The following IL1RAPL1 variants were observed in gnomAD, a reference collection of about 807,000 sequenced individuals.
The protein encoded by IL1RAPL1 is interleukin-1 receptor accessory protein-like 1.
A neutral mutation model predicts 48.4 loss-of-function variants in IL1RAPL1; 3 were observed. The observed-to-expected ratio is 0.06, with a 90% confidence interval of 0.03 to 0.16. The LOEUF (loss-of-function observed/expected upper bound fraction) is 0.16. Ranked by LOEUF, IL1RAPL1 falls within the 10% of genes least tolerant of loss-of-function variation. The pLI, the probability that IL1RAPL1 is intolerant of heterozygous loss-of-function variation, is 1.00. For synonymous variants in IL1RAPL1, 185 were observed against 187.7 expected, an observed-to-expected ratio of 0.99 and a Z score of 0.12; for missense variants, 349 against 530.6, an observed-to-expected ratio of 0.66 and a Z score of 3.36.
intron 3 of IL1RAPL1, among the ~76,000 whole-genome samples, chrX:29,309,442 A>C (rs1222265835): frequency 2.7e-5 from 3 of 111,800 alleles, no homozygotes; most frequent in Non-Finnish European, 5.6e-5. Flanking sequence ...AAGACATTCC[A>C]GGGATGTAGA....
chrX:29,519,879 G>A (rs147890493), intron 5 of IL1RAPL1, among the ~76,000 whole-genome samples: 2,375 of 111,674 alleles, frequency 0.021, 61 homozygotes, highest in African/African-American at 0.074. Context: ...GCTCACAGCA[G>A]TAACCTGTTC....
chrX:29,334,475 C>T (rs1932947491), intron 3 of IL1RAPL1, among the ~76,000 whole-genome samples: 5 of 112,069 alleles, frequency 4.5e-5, no homozygotes, highest in African/African-American at 6.5e-5. Context: ...ACCTCCCTCC[C>T]GGACGGGGTG....
intron 2 of IL1RAPL1, among the ~76,000 whole-genome samples, chrX:29,056,415 A>G (rs913199902): frequency 4.5e-5 from 5 of 111,499 alleles, no homozygotes; most frequent in Admixed American, 9.6e-5. Flanking sequence ...AATTACCACA[A>G]CACTTCACAT....
At chrX:28,937,408 A>G (rs1252308717) in intron 2 of IL1RAPL1, among the ~76,000 whole-genome samples, 2 of 111,284 alleles carry the variant, frequency 1.8e-5, no homozygotes, top group Non-Finnish European at 3.8e-5. Context: ...GTAGAAAATA[A>G]GGGAACTGAG....
chrX:28,838,781 A>T (rs575917115), intron 2 of IL1RAPL1, among the ~76,000 whole-genome samples: 3 of 111,067 alleles, frequency 2.7e-5, no homozygotes, highest in African/African-American at 9.8e-5. Flanking sequence ...TTAATAATAT[A>T]TGTATAAGCA....
intron 5 of IL1RAPL1, among the ~76,000 whole-genome samples, chrX:29,628,578 A>G (rs768618066): frequency 1.3e-3 from 141 of 111,933 alleles, no homozygotes; most frequent in African/African-American, 4.3e-3. Context: ...GACAAATGTG[A>G]GAATCCATGT....
intron 2 of IL1RAPL1, among the ~76,000 whole-genome samples, chrX:29,175,845 CAAAAAAAAAAAAA>C (rs58728418): frequency 1.3e-4 from 5 of 37,781 alleles, no homozygotes; most frequent in Non-Finnish European, 2.2e-4. Flanking sequence ...GACTCTGTCT[CAAAAAAAAAAAAA>C]AAAAAAAAAA....
chrX:29,577,560 A>T (rs1410218583), intron 5 of IL1RAPL1, among the ~76,000 whole-genome samples: 1 of 111,976 alleles, frequency 8.9e-6, no homozygotes, highest in African/African-American at 3.2e-5. Flanking sequence ...GTTACCTGGG[A>T]AATGAAGAGA....
intron 5 of IL1RAPL1, among the ~76,000 whole-genome samples, chrX:29,612,025 G>A (rs1924112035): frequency 9.0e-6 from 1 of 110,983 alleles, no homozygotes; most frequent in African/African-American, 3.3e-5. Context: ...GTTTATATGT[G>A]TACAGGATAG....
intron 5 of IL1RAPL1, among the ~76,000 whole-genome samples, chrX:29,657,887 T>C (rs1360307564): frequency 9.4e-6 from 1 of 106,388 alleles, no homozygotes; most frequent in Non-Finnish European, 1.9e-5. Context: ...GTTGGCATGC[T>C]CACCTACTTG....
chrX:29,343,986 G>A (rs1933117060), intron 3 of IL1RAPL1, among the ~76,000 whole-genome samples: 1 of 112,229 alleles, frequency 8.9e-6, no homozygotes, highest in South Asian at 3.7e-4. Flanking sequence ...TGAACAAGAT[G>A]CCAAGTACAG....
Position 29,700,013 on chromosome X carries a change from A to G in IL1RAPL1, c.778+31509A>G, listed in dbSNP as rs368797358. Among the ~76,000 whole-genome samples, 97 of 111,725 alleles carry G rather than the reference A, an allele frequency of 8.7e-4. 1 individual carries two copies. In the South Asian group the frequency reaches 0.036, roughly 42 times the overall value. On this transcript the variant is annotated intron_variant, in intron 6 of 10. Transcript: ENST00000378993. The stretch of plus-strand genomic sequence containing the variant: ...AAGCATTCTGTTGTCCATACTTGGT[A>G]TCTCTTTTTGTGATCTTGTGTTATT...
At chrX:29,848,995 A>T (rs945694836) in intron 6 of IL1RAPL1, among the ~76,000 whole-genome samples, 1 of 109,470 alleles carries the variant, frequency 9.1e-6, no homozygotes, top group Admixed American at 9.8e-5. Flanking sequence ...TCGAACTCCT[A>T]CCCTTAAGTG....
intron 1 of IL1RAPL1, among the ~76,000 whole-genome samples, chrX:28,686,642 A>G (rs145123186): frequency 8.9e-6 from 1 of 112,486 alleles, no homozygotes; most frequent in African/African-American, 3.2e-5. Context: ...TAAACAGCTC[A>G]ATAGCCTCAG....
At chrX:28,885,637 T>C (rs1410645291) in intron 2 of IL1RAPL1, among the ~76,000 whole-genome samples, 1 of 111,780 alleles carries the variant, frequency 8.9e-6, no homozygotes, top group African/African-American at 3.2e-5. Flanking sequence ...TCTGTTGGAT[T>C]TACCTAATTC....
At chrX:29,732,998 T>C (rs1276249590) in intron 6 of IL1RAPL1, among the ~76,000 whole-genome samples, 2 of 110,688 alleles carry the variant, frequency 1.8e-5, no homozygotes, top group African/African-American at 3.3e-5. Context: ...GGAACCTCTT[T>C]CTGGAGCAAG....
intron 1 of IL1RAPL1, among the ~76,000 whole-genome samples, chrX:28,630,514 AC>A (rs1237515319): frequency 9.0e-6 from 1 of 110,771 alleles, no homozygotes; most frequent in Non-Finnish European, 1.9e-5. Flanking sequence ...CTTTTACTCA[AC>A]CCGTCTGCCT....
intron 1 of IL1RAPL1, among the ~76,000 whole-genome samples, chrX:28,758,413 C>T (rs1936128700): frequency 9.0e-6 from 1 of 111,574 alleles, no homozygotes; most frequent in African/African-American, 3.3e-5. Flanking sequence ...TAAAAATGTC[C>T]TCTAGGTGAT....
chrX:29,679,484 C>T lies in IL1RAPL1; in HGVS notation c.778+10980C>T, dbSNP rs372558833. On this transcript the variant is annotated intron_variant, in intron 6 of 10. Coordinates refer to ENST00000378993, the MANE Select transcript of IL1RAPL1 (RefSeq NM_014271.4). ...TTATGCACTCTGCTTATTGTATAGC[C>T]TATTTATAAGTAGTATGAATATTTC... 8.1e-5 allele frequency among the ~76,000 whole-genome samples: 9 copies of T among 111,343 alleles called. No individual in the cohort carries two copies. In the East Asian group the frequency reaches 2.5e-3, roughly 31 times the overall value.
Sources: allele counts gnomAD v4.1 joint callset (sites outside exome capture counted in the v4.1 genomes callset), GRCh38; gene constraint gnomAD v4.1.1; transcripts MANE v1.5; gene names NCBI Gene and HGNC (gene_info 2026-07-23, HGNC 2026-07-21).